The following USP34 variants were observed in gnomAD, a reference collection of about 807,000 sequenced individuals.
USP34 encodes ubiquitin carboxyl-terminal hydrolase 34.
In USP34, 70 loss-of-function variants were observed where a neutral mutation model predicts 460.3. The ratio of observed to expected loss-of-function variants is 0.15; its 90% CI spans 0.13 to 0.19. The LOEUF (loss-of-function observed/expected upper bound fraction) is 0.19, where lower values mean the gene tolerates loss of function less well. Ranked by LOEUF, USP34 falls within the 10% of genes least tolerant of loss-of-function variation. The probability of loss-of-function intolerance (pLI) is 1.00; values close to 1 mark genes in which losing one functional copy is unlikely to be tolerated. For synonymous variants in USP34, 1,647 were observed against 1,405.3 expected (o/e 1.17, Z -3.85); for missense variants, 3,985 against 4,236.2 (o/e 0.94, Z 1.65).
At chr2:61,450,568 C>A (rs1282989011) in intron 1 of USP34, among the ~76,000 whole-genome samples, 5 of 151,962 alleles carry the variant, frequency 3.3e-5, no homozygotes, top group Admixed American at 2.0e-4. Flanking sequence ...TTGAGACCAG[C>A]CCGGCCAACA....
chr2:61,417,240 A>T, intron 2 of USP34: 1 of 1,378,228 alleles, frequency 7.3e-7, no homozygotes, highest in East Asian at 2.3e-5. Context: ...CATACATCTG[A>T]AAGGCCTGTC....
chr2:61,438,338 G>A (rs768211402), intron 1 of USP34, among the ~76,000 whole-genome samples: 4 of 152,084 alleles, frequency 2.6e-5, no homozygotes, highest in South Asian at 2.1e-4. Context: ...TAGGCCAGGC[G>A]TGGTGGCTCA....
chr2:61,359,561 A>G (rs1432511075), intron 10 of USP34, among the ~76,000 whole-genome samples: 1 of 152,170 alleles, frequency 6.6e-6, no homozygotes, highest in Non-Finnish European at 1.5e-5. Context: ...GACGCCAAAA[A>G]TAGTCAACAA....
intron 1 of USP34, among the ~76,000 whole-genome samples, chr2:61,430,988 C>CA (rs1352114974): frequency 1.3e-5 from 2 of 151,780 alleles, no homozygotes; most frequent in African/African-American, 4.8e-5. Context: ...GCCTGGGCAA[C>CA]AAGACCCCTA....
Position 61,288,822 on chromosome 2 carries a change from T to TCTA in USP34, c.4601_4603dup (p.Val1534dup). 6.2e-7 allele frequency: 1 copy of TCTA among 1,613,780 alleles called. No homozygotes were observed. The highest frequency in any genetic ancestry group is 8.5e-7 in the Non-Finnish European group (1 of 1,179,940). ...ATAAGCTAAATCCAAATCGGATGGA[T>TCTA]CTACTGCAAACTGGCATATTAACTT... On this transcript the variant is annotated inframe_insertion, in exon 34 of 80. Transcript: ENST00000398571.
chr2:61,326,576 A>G (rs576054214), intron 20 of USP34, among the ~76,000 whole-genome samples: 6 of 152,150 alleles, frequency 3.9e-5, no homozygotes, highest in Middle Eastern at 3.4e-3. Context: ...AGTGAACTGC[A>G]TATTTAACTG....
intron 68 of USP34, among the ~76,000 whole-genome samples, chr2:61,213,204 G>A (rs572314255): frequency 6.6e-6 from 1 of 152,122 alleles, no homozygotes; most frequent in African/African-American, 2.4e-5. Flanking sequence ...TTGTAGAGAT[G>A]GAGTTTTGCC....
intron 1 of USP34, among the ~76,000 whole-genome samples, chr2:61,460,596 TG>T (rs1281909060): frequency 2.6e-5 from 4 of 152,194 alleles, no homozygotes; most frequent in African/African-American, 9.6e-5. Flanking sequence ...AGGTATCCAC[TG>T]GAAGTCTCAG....
At chr2:61,245,527 A>T (rs1015061320) in intron 50 of USP34, among the ~76,000 whole-genome samples, 13 of 152,120 alleles carry the variant, frequency 8.5e-5, no homozygotes, top group South Asian at 2.1e-4. Flanking sequence ...AAAAGAATTC[A>T]TAAAAGAAAT....
chr2:61,190,372 T>A lies in USP34; in HGVS notation c.9772A>T (p.Ile3258Phe). Residue 3258 changes from isoleucine to phenylalanine, a missense_variant, in exon 78 of 80, where the codon ATC becomes TTC. By Grantham distance (21) the Ile-to-Phe change is conservative. This residue lies in a region of USP34 where 506 missense variants were observed against 439.0 expected (regional missense o/e 1.15). Coordinates refer to ENST00000398571, the MANE Select transcript of USP34 (RefSeq NM_014709.4). The part of the protein sequence containing the change: ...VFSEANCANL[I>F]STLITNLISQ... ...ATCAAGTTTGTAATAAGAGTGCTGA[T>A]CAAATTGGCACAGTTTGCTTCAGAA... 6.2e-7 allele frequency: 1 copy of A among 1,613,078 alleles called. No individual in the cohort carries two copies. The highest frequency in any genetic ancestry group is 2.2e-5 in the East Asian group (1 of 44,872).
At chr2:61,254,350 T>C (rs1279740566) in intron 48 of USP34, among the ~76,000 whole-genome samples, 1 of 152,254 alleles carries the variant, frequency 6.6e-6, no homozygotes, top group Non-Finnish European at 1.5e-5. Context: ...AATTACATTA[T>C]TTCTCAGGCA....
intron 10 of USP34, among the ~76,000 whole-genome samples, chr2:61,357,864 G>A (rs1456782576): frequency 6.6e-6 from 1 of 152,104 alleles, no homozygotes; most frequent in African/African-American, 2.4e-5. Flanking sequence ...ACTCCAGCTT[G>A]GGCAACAGAG....
intron 53 of USP34, 37 bp downstream of exon 53, chr2:61,241,523 A>AT: frequency 6.7e-7 from 1 of 1,494,216 alleles, no homozygotes; most frequent in Non-Finnish European, 9.2e-7. Flanking sequence ...CACTTAACAT[A>AT]TTTTTAAAAT....
At chr2:61,467,443 TCTGA>T (rs1695806892) in intron 1 of USP34, among the ~76,000 whole-genome samples, 1 of 151,346 alleles carries the variant, frequency 6.6e-6, no homozygotes, top group African/African-American at 2.4e-5. Context: ...CACCACCACG[TCTGA>T]CTGTTTTGTG....
intron 3 of USP34, among the ~76,000 whole-genome samples, chr2:61,400,958 T>C (rs931814650): frequency 1.3e-5 from 2 of 152,016 alleles, no homozygotes; most frequent in African/African-American, 4.8e-5. Context: ...GAGACCATCC[T>C]GGCCAACATG....
At chr2:61,324,894 A>ATTTATAAATGT (rs1407032271) in intron 21 of USP34, among the ~76,000 whole-genome samples, 1 of 152,206 alleles carries the variant, frequency 6.6e-6, no homozygotes, top group Non-Finnish European at 1.5e-5. Context: ...ATGTATTAAG[A>ATTTATAAATGT]ATAATCACTG....
At chr2:61,283,540 A>C in intron 35 of USP34, 91 bp from the exon 36 acceptor site, 1 of 1,376,330 alleles carries the variant, frequency 7.3e-7, no homozygotes, top group Non-Finnish European at 1.0e-6. Context: ...TAAGGTTATC[A>C]CTTCCCCCCC....
rs1686706899 is a variant in USP34 at position 61,193,629 on chromosome 2, A to G, written c.9509-649T>C. On this transcript the variant is annotated intron_variant, in intron 75 of 79. Transcript: ENST00000398571. ...ATATGTCACTAAGATGTGTGCCCCT[A>G]TCCTCTGTCATCCTATCTCTGAAAG... 2.6e-5 allele frequency among the ~76,000 whole-genome samples: 4 copies of G among 152,144 alleles called. 1 individual carries two copies. Among genetic ancestry groups the G allele is most frequent in the African/African-American group, 9.7e-5 (4 of 41,430 alleles).
At chr2:61,262,088 C>CAAAAAAAAAAAAAAAAAA (rs61651654) in intron 43 of USP34, among the ~76,000 whole-genome samples, 2 of 46,826 alleles carry the variant, frequency 4.3e-5, no homozygotes, top group African/African-American at 2.1e-4. Flanking sequence ...AAGACTTCGT[C>CAAAAAAAAAAAAAAAAAA]AAAAAAAAAA....
Sources: allele counts gnomAD v4.1 joint callset (sites outside exome capture counted in the v4.1 genomes callset), GRCh38; gene constraint gnomAD v4.1.1; regional missense constraint gnomAD v4.1.1; transcripts MANE v1.5; gene names NCBI Gene and HGNC (gene_info 2026-07-23, HGNC 2026-07-21).